ADGRL2: variants seen among roughly 807,000 people sequenced by gnomAD.
ADGRL2 encodes the protein adhesion G protein-coupled receptor L2, also known as calcium-independent alpha-latrotoxin receptor 2.
In ADGRL2, 44 loss-of-function variants were observed where a neutral mutation model predicts 157.4. The ratio of observed to expected loss-of-function variants is 0.28; its 90% CI spans 0.22 to 0.36. The LOEUF is 0.36. Ranked by LOEUF, ADGRL2 falls within the 10% of genes least tolerant of loss-of-function variation. The pLI, the probability that ADGRL2 is intolerant of heterozygous loss-of-function variation, is 1.00. For synonymous variants in ADGRL2, 585 were observed against 624.7 expected (o/e 0.94, Z 0.95); for missense variants, 1,510 against 1,768.9 (o/e 0.85, Z 2.63).
chr1:81,757,963 C>A (rs952068146), intron 1 of ADGRL2, among the ~76,000 whole-genome samples: 1 of 152,090 alleles, frequency 6.6e-6, no homozygotes. Context: ...AGTAAAAACA[C>A]GATTTCCAAG....
At chr1:81,733,294 G>C (rs1343247613) in intron 1 of ADGRL2, among the ~76,000 whole-genome samples, 3 of 152,180 alleles carry the variant, frequency 2.0e-5, no homozygotes, top group Admixed American at 6.5e-5. Context: ...AGTTTGCTAG[G>C]GCTACCATAA....
chr1:81,908,153 A>C (rs929993484), intron 3 of ADGRL2, among the ~76,000 whole-genome samples: 2 of 152,206 alleles, frequency 1.3e-5, no homozygotes, highest in African/African-American at 4.8e-5. Flanking sequence ...TGTACCTTAT[A>C]GTCTAAGTGT....
upstream of ADGRL2, among the ~76,000 whole-genome samples, chr1:81,796,588 T>C (rs1451456875): frequency 6.6e-6 from 1 of 152,166 alleles, no homozygotes; most frequent in African/African-American, 2.4e-5. Flanking sequence ...TTGCTTACTT[T>C]TGAGTATCAT....
upstream of ADGRL2, among the ~76,000 whole-genome samples, chr1:81,799,270 T>C (rs2087751013): frequency 6.6e-6 from 1 of 151,064 alleles, no homozygotes; most frequent in Non-Finnish European, 1.5e-5. Context: ...ATATTTGAAT[T>C]ATGTTATGTA....
chr1:81,736,015 C>A (rs1321047026), intron 1 of ADGRL2, among the ~76,000 whole-genome samples: 1 of 143,140 alleles, frequency 7.0e-6, no homozygotes. Context: ...TGGTGGCAGG[C>A]GCCTGTAATC....
intron 3 of ADGRL2, among the ~76,000 whole-genome samples, chr1:81,915,811 A>C (rs1443919530): frequency 1.3e-5 from 2 of 152,186 alleles, no homozygotes; most frequent in African/African-American, 4.8e-5. Flanking sequence ...CGTGAACGTG[A>C]ACATTTCATT....
chr1:81,356,944 C>T (rs55705629), intron 1 of ADGRL2, among the ~76,000 whole-genome samples: 14,271 of 40,754 alleles, frequency 0.35, 1,067 homozygotes, highest in East Asian at 0.55. Flanking sequence ...CAAAATGAGA[C>T]TCCGTCTCAA....
At chr1:81,404,637 T>A (rs2076821475) in intron 1 of ADGRL2, among the ~76,000 whole-genome samples, 1 of 152,206 alleles carries the variant, frequency 6.6e-6, no homozygotes, top group Admixed American at 6.5e-5. Flanking sequence ...GTTGTAAGCA[T>A]TTTAAAATCT....
chr1:81,398,192 T>C (rs928809622), intron 1 of ADGRL2, among the ~76,000 whole-genome samples: 10 of 152,316 alleles, frequency 6.6e-5, no homozygotes, highest in Admixed American at 5.2e-4. Context: ...TTTCAGTCTA[T>C]TTGTGTCTTT....
intron 1 of ADGRL2, among the ~76,000 whole-genome samples, chr1:81,425,991 C>A (rs1053203058): frequency 2.0e-5 from 3 of 152,114 alleles, no homozygotes; most frequent in African/African-American, 7.2e-5. Context: ...CTCAGCCTCC[C>A]AAGTAGCTGG....
At chr1:81,503,909 G>A (rs1030887444) in intron 2 of ADGRL2, among the ~76,000 whole-genome samples, 2 of 152,190 alleles carry the variant, frequency 1.3e-5, no homozygotes, top group African/African-American at 4.8e-5. Flanking sequence ...TAAGTCCCAT[G>A]TGGGGCTGCC....
intron 3 of ADGRL2, among the ~76,000 whole-genome samples, chr1:81,616,599 T>C (rs377754146): frequency 1.3e-5 from 2 of 152,010 alleles, no homozygotes; most frequent in South Asian, 2.1e-4. Context: ...CCTCTCACTT[T>C]CCATCTGAGG....
chr1:81,438,344 A>G (rs2077446551), intron 1 of ADGRL2, among the ~76,000 whole-genome samples: 1 of 152,020 alleles, frequency 6.6e-6, no homozygotes, highest in Non-Finnish European at 1.5e-5. Context: ...TTAGAATTAA[A>G]TAATTAAACT....
At chr1:81,541,634 A>G (rs911085140) in intron 2 of ADGRL2, among the ~76,000 whole-genome samples, 1 of 152,180 alleles carries the variant, frequency 6.6e-6, no homozygotes, top group African/African-American at 2.4e-5. Flanking sequence ...CTCATTTAAA[A>G]TAATCAGTGC....
chr1:81,671,463 T>C (rs1187447923), intron 3 of ADGRL2, among the ~76,000 whole-genome samples: 2 of 152,154 alleles, frequency 1.3e-5, no homozygotes, highest in Non-Finnish European at 2.9e-5. Context: ...AGGGATCTTG[T>C]TAAAATGCAG....
chr1:81,312,162 A>G (rs1659798663), intron 1 of ADGRL2, among the ~76,000 whole-genome samples: 1 of 152,270 alleles, frequency 6.6e-6, no homozygotes, highest in South Asian at 2.1e-4. Flanking sequence ...AAGAGAATGT[A>G]AGGTGGCTTT....
chr1:81,743,390 A>G lies in ADGRL2; in HGVS notation c.-142-18421A>G, dbSNP rs569229118. Among the ~76,000 whole-genome samples the G allele has an allele frequency of 4.6e-5, 5 of 108,378 alleles. No homozygotes were observed. The South Asian group carries it at 8.6e-4, about 19-fold the overall frequency. The allele number at this position is 108,378 out of a possible 152,430, so 71.1% of individuals were successfully genotyped here. A position where few individuals can be genotyped will look rare whatever the true frequency, so the allele number is the denominator to read the frequency against. On this transcript the variant is annotated intron_variant, in intron 1 of 20. Coordinates refer to the ADGRL2 transcript ENST00000359929. ...CAGGAAAGCAGAGTGCTAATAACAG[A>G]AGGTTTTTTTTTTTTTTTTGCACTT...
intron 21 of ADGRL2, among the ~76,000 whole-genome samples, chr1:81,985,807 A>C (rs1662987317): frequency 6.6e-6 from 1 of 151,990 alleles, no homozygotes; most frequent in African/African-American, 2.4e-5. Context: ...TAGTTCTTAA[A>C]ATATGCTAGG....
intron 1 of ADGRL2, among the ~76,000 whole-genome samples, chr1:81,760,485 T>C (rs1455465049): frequency 6.6e-6 from 1 of 152,090 alleles, no homozygotes; most frequent in African/African-American, 2.4e-5. Context: ...ATACATTGCT[T>C]TTGGTGTCTA....
Sources: allele counts gnomAD v4.1 joint callset (sites outside exome capture counted in the v4.1 genomes callset), GRCh38; gene constraint gnomAD v4.1.1; transcripts MANE v1.5; gene names NCBI Gene and HGNC (gene_info 2026-07-23, HGNC 2026-07-21).